Variants in NGLY1 observed in about 807,000 individuals in gnomAD.
NGLY1 encodes the protein N-glycanase 1, also known as peptide-N(4)-(N-acetyl-beta-glucosaminyl)asparagine amidase.
NGLY1 carries 68 observed loss-of-function variants against 84.6 expected under a neutral mutation model. The ratio of observed to expected loss-of-function variants is 0.80; its 90% confidence interval spans 0.66 to 0.98. NGLY1 has a LOEUF of 0.98. Ranked by LOEUF, NGLY1 falls within the 50% of genes least tolerant of loss-of-function variation. NGLY1 has a pLI of 0.00. For missense variants in NGLY1, 779 were observed against 770.2 expected (o/e 1.01, Z -0.14); for synonymous variants, 280 against 275.2 (o/e 1.02, Z -0.17).
intron 5 of NGLY1, 89 bp from the exon 6 acceptor site, chr3:25,737,544 A>ATTTTTTT: frequency 1.0e-6 from 1 of 974,178 alleles, no homozygotes; most frequent in Non-Finnish European, 1.4e-6. Flanking sequence ...GAAATGTTTA[A>ATTTTTTT]TTTTTTTTTT....
Position 25,737,452 on chromosome 3 carries a change from A to G in NGLY1, c.885T>C (p.Tyr295=), listed in dbSNP as rs377722046. The change falls in exon 6 of 12, where the codon TAT becomes TAC. Residue 295 remains tyrosine, a synonymous_variant. Transcript: ENST00000280700. ...TTTCCAAAAGTTTCTCAGGGTTATT[A>G]TATCTGGTTTAAAAAGAAAAAAAAC... is the stretch of plus-strand genomic sequence containing the variant. ...ACQFSNRFPR[Y]NNPEKLLETR... The G allele has an allele frequency of 6.3e-6, 10 of 1,597,450 alleles. No homozygotes were observed. The East Asian group carries it at 1.8e-4, about 29-fold the overall frequency.
At chr3:25,735,530 T>C (rs1705771197) in intron 7 of NGLY1, 1 of 153,172 alleles carries the variant, frequency 6.5e-6, no homozygotes, top group Admixed American at 6.5e-5. Flanking sequence ...AGTCAGATCA[T>C]ACTAAATGTT....
intron 2 of NGLY1, among the ~76,000 whole-genome samples, chr3:25,767,137 C>T (rs1707620503): frequency 6.6e-6 from 1 of 151,828 alleles, no homozygotes; most frequent in Non-Finnish European, 1.5e-5. Flanking sequence ...ACTAAAAATA[C>T]AAAAATTGGC....
At chr3:25,741,234 T>A (rs953073768) in intron 4 of NGLY1, among the ~76,000 whole-genome samples, 7 of 150,682 alleles carry the variant, frequency 4.6e-5, no homozygotes, top group African/African-American at 1.7e-4. Flanking sequence ...AATCATAAGG[T>A]AAATTTGCCT....
At chr3:25,760,860 C>CAAAAAAAAAAAAAAA (rs760535260) in intron 3 of NGLY1, among the ~76,000 whole-genome samples, 2 of 71,676 alleles carry the variant, frequency 2.8e-5, no homozygotes, top group South Asian at 1.2e-3. Flanking sequence ...AACTCTGTCT[C>CAAAAAAAAAAAAAAA]AAAAAAAAAA....
At chr3:25,789,752 T>G in intron 1 of NGLY1, 1 of 1,291,652 alleles carries the variant, frequency 7.7e-7, no homozygotes, top group Non-Finnish European at 1.1e-6. Flanking sequence ...CCTTAATTCT[T>G]TCTTACAATT....
intron 10 of NGLY1, among the ~76,000 whole-genome samples, chr3:25,724,829 C>T (rs1022919330): frequency 6.6e-6 from 1 of 152,220 alleles, no homozygotes; most frequent in Non-Finnish European, 1.5e-5. Flanking sequence ...GATATTACTT[C>T]TTCTGCAAGG....
rs779267801 is a variant in NGLY1 at position 25,783,377 on chromosome 3, G to C, written c.14C>G (p.Ala5Gly). The C allele has an allele frequency of 3.2e-6, 5 of 1,541,946 alleles. No individual in the cohort carries two copies. The East Asian group carries it at 1.3e-4, about 39-fold the overall frequency. The part of the protein sequence containing the change: MAAA[A>G]LGSSSGSASP... ...CGCCGAGCCTGAGGAGCTGCCCAAT[G>C]CCGCCGCCGCCATGCTTGAGCGCCA... is the stretch of plus-strand genomic sequence containing the variant. Residue 5 changes from alanine to glycine, a missense_variant, in exon 1 of 12, where the codon GCA becomes GGA. Coordinates refer to ENST00000280700, the MANE Select transcript of NGLY1 (RefSeq NM_018297.4). This position sits in a 1 kb window ranked among gnomAD's most constrained non-coding sequence, Gnocchi z 4.5.
At position 25,742,879 on chromosome 3, in the gene NGLY1, T is replaced by C. The variant is rs566399569; in HGVS notation, c.659-3080A>G. On this transcript the variant is annotated intron_variant, in intron 4 of 11. Transcript: ENST00000280700. ...GTAGCCTATGAATGTAGTTACCTTA[T>C]GTGGCAAAAAAAAAAAAAAAAAAAA... 1.6e-4 allele frequency among the ~76,000 whole-genome samples: 17 copies of C among 106,086 alleles called. No individual in the cohort carries two copies. In the South Asian group the frequency reaches 5.4e-3, roughly 34 times the overall value. 69.6% of individuals were successfully genotyped at this position (106,086 alleles called of 152,430 possible). A position where few individuals can be genotyped will look rare whatever the true frequency, so the allele number is the denominator to read the frequency against.
At chr3:25,763,472 G>A (rs1486170409) in intron 3 of NGLY1, among the ~76,000 whole-genome samples, 1 of 152,178 alleles carries the variant, frequency 6.6e-6, no homozygotes, top group Non-Finnish European at 1.5e-5. Context: ...TATTCAAAAT[G>A]GAATGCACAT....
intron 10 of NGLY1, among the ~76,000 whole-genome samples, chr3:25,723,964 A>T (rs1414498786): frequency 6.6e-6 from 1 of 152,148 alleles, no homozygotes; most frequent in Non-Finnish European, 1.5e-5. Context: ...ATGAGCATAT[A>T]CACCCTTTGC....
Position 25,764,264 on chromosome 3 carries a change from C to T in NGLY1, c.294G>A (p.Leu98=). ...TGGCAATCAGGTCACGAATTTTTTG[C>T]AGCTGCTCCACTGAAGCTTTTTTAG... The part of the protein sequence containing the change: ...IFPKKASVEQ[L]QKIRDLIAIE... The change falls in exon 3 of 12, where the codon CTG becomes CTA. Residue 98 remains leucine, a synonymous_variant. Transcript: ENST00000280700. 3 of 1,614,092 alleles carry T rather than the reference C, an allele frequency of 1.9e-6. No homozygotes were observed. The highest frequency in any genetic ancestry group is 2.5e-6 in the Non-Finnish European group (3 of 1,180,022).
upstream of NGLY1, among the ~76,000 whole-genome samples, chr3:25,788,414 G>A (rs1200699363): frequency 6.6e-6 from 1 of 152,124 alleles, no homozygotes; most frequent in Non-Finnish European, 1.5e-5. Context: ...GGTGCAAGAA[G>A]ACACGATGGA....
intron 2 of NGLY1, among the ~76,000 whole-genome samples, chr3:25,775,987 A>C (rs1431831664): frequency 6.6e-6 from 1 of 152,246 alleles, no homozygotes; most frequent in Non-Finnish European, 1.5e-5. Context: ...TTATGTATTC[A>C]TATAATTATT....
chr3:25,759,259 A>C (rs1178937269), intron 3 of NGLY1, among the ~76,000 whole-genome samples: 1 of 152,068 alleles, frequency 6.6e-6, no homozygotes, highest in Non-Finnish European at 1.5e-5. Context: ...GGTGATGACA[A>C]GTCTGGGGAA....
intron 6 of NGLY1, chr3:25,736,539 A>C (rs1379998410): frequency 1.7e-6 from 1 of 604,072 alleles, no homozygotes; most frequent in East Asian, 2.9e-5. Flanking sequence ...GAAGTCTAAT[A>C]GAATCTCTGG....
chr3:25,744,414 A>G (rs1706314702), intron 4 of NGLY1, among the ~76,000 whole-genome samples: 1 of 152,212 alleles, frequency 6.6e-6, no homozygotes, highest in African/African-American at 2.4e-5. Flanking sequence ...CCATTTCTGC[A>G]TCAAACCAAA....
At chr3:25,776,358 C>T (rs879383041) in intron 2 of NGLY1, among the ~76,000 whole-genome samples, 1 of 152,212 alleles carries the variant, frequency 6.6e-6, no homozygotes, top group Admixed American at 6.5e-5. Context: ...GACACTTCGA[C>T]ATGAGAAATG....
intron 2 of NGLY1, among the ~76,000 whole-genome samples, chr3:25,766,988 T>C (rs1413583518): frequency 6.6e-6 from 1 of 152,148 alleles, no homozygotes; most frequent in Admixed American, 6.5e-5. Context: ...CTAGATTTAA[T>C]AATATTTTAA....
Sources: gnomAD v4.1 joint callset for allele counts (sites outside exome capture counted in the v4.1 genomes callset) on GRCh38, gnomAD v4.1.1 for gene constraint, Gnocchi (gnomAD v3.1) non-coding constraint, MANE v1.5 for transcripts, NCBI Gene and HGNC (gene_info 2026-07-23, HGNC 2026-07-21) for gene names.